Variants in CTNNA2 observed in about 807,000 individuals in gnomAD.
CTNNA2 encodes the protein catenin alpha 2.
In CTNNA2, 42 loss-of-function variants were observed where a neutral mutation model predicts 101.0. That is an observed-to-expected ratio of 0.42 (90% CI 0.32 to 0.54). The LOEUF (loss-of-function observed/expected upper bound fraction) is 0.54, where lower values mean the gene tolerates loss of function less well. Among genes scored for constraint, CTNNA2 ranks in the 20% least tolerant of loss-of-function variants. The pLI is 0.14. For missense variants in CTNNA2, 871 were observed against 1,223.1 expected (o/e 0.71, Z 4.29); for synonymous variants, 450 against 456.4 (o/e 0.99, Z 0.18).
intron 2 of CTNNA2, among the ~76,000 whole-genome samples, chr2:79,210,088 T>TTGTGTG (rs59836500): frequency 0.018 from 2,596 of 144,866 alleles, 67 homozygotes; most frequent in African/African-American, 0.052. Flanking sequence ...TCAAGCTATA[T>TTGTGTG]TGTGTGTGTG....
chr2:80,284,692 G>C (rs572709609), intron 7 of CTNNA2, among the ~76,000 whole-genome samples: 1 of 151,950 alleles, frequency 6.6e-6, no homozygotes, highest in East Asian at 1.9e-4. Context: ...ATTTGAACCT[G>C]TTCCCAGGGA....
intron 1 of CTNNA2, among the ~76,000 whole-genome samples, chr2:79,539,009 A>ATC (rs1673243567): frequency 6.6e-6 from 1 of 152,222 alleles, no homozygotes; most frequent in African/African-American, 2.4e-5. Flanking sequence ...CATCAAAATC[A>ATC]AGATCAATAA....
intron 7 of CTNNA2, among the ~76,000 whole-genome samples, chr2:80,352,568 A>G (rs1160731008): frequency 1.3e-5 from 2 of 152,178 alleles, no homozygotes; most frequent in Admixed American, 6.6e-5. Flanking sequence ...AGCAGTAAGA[A>G]TTCCTCCACT....
At chr2:80,550,523 A>T (rs187649991) in intron 11 of CTNNA2, among the ~76,000 whole-genome samples, 45 of 152,364 alleles carry the variant, frequency 3.0e-4, no homozygotes, top group South Asian at 1.7e-3. Flanking sequence ...AATTGGAGTC[A>T]GTCCTCTCAA....
chr2:80,116,769 G>C (rs1315088750), intron 7 of CTNNA2, among the ~76,000 whole-genome samples: 1 of 152,140 alleles, frequency 6.6e-6, no homozygotes, highest in Non-Finnish European at 1.5e-5. Flanking sequence ...GAGAGGGTGA[G>C]TTTGATCAGC....
intron 7 of CTNNA2, among the ~76,000 whole-genome samples, chr2:79,996,950 G>T (rs898084638): frequency 1.3e-5 from 2 of 152,118 alleles, no homozygotes; most frequent in African/African-American, 4.8e-5. Context: ...AAGCAGAAAA[G>T]GTGGTGTGGA....
intron 3 of CTNNA2, among the ~76,000 whole-genome samples, chr2:79,796,354 C>T (rs1675695231): frequency 6.8e-6 from 1 of 148,058 alleles, no homozygotes; most frequent in Admixed American, 6.7e-5. Context: ...GCGATTGCGC[C>T]GCTGCATTCC....
chr2:80,613,078 G>GAA (rs1180076118), intron 17 of CTNNA2: 28 of 114,154 alleles, frequency 2.5e-4, no homozygotes, highest in African/African-American at 9.8e-4. Context: ...AATGAAATGA[G>GAA]TAGTTACCTT....
chr2:79,203,713 C>T (rs896007962), intron 2 of CTNNA2, among the ~76,000 whole-genome samples: 3 of 152,172 alleles, frequency 2.0e-5, no homozygotes, highest in Admixed American at 2.0e-4. Flanking sequence ...GTCTTCAGGG[C>T]CGCCTTTTCT....
intron 9 of CTNNA2, among the ~76,000 whole-genome samples, chr2:80,460,278 C>T (rs911083340): frequency 6.6e-6 from 1 of 151,212 alleles, no homozygotes; most frequent in Non-Finnish European, 1.5e-5. Flanking sequence ...TCTTGAGTGA[C>T]AGTCATTTAG....
chr2:79,471,725 C>T (rs1671001280), intron 4 of CTNNA2, among the ~76,000 whole-genome samples: 1 of 152,010 alleles, frequency 6.6e-6, no homozygotes, highest in African/African-American at 2.4e-5. Context: ...GTAGTCCCAG[C>T]TATTCGGGAG....
intron 7 of CTNNA2, among the ~76,000 whole-genome samples, chr2:79,961,208 T>C (rs1325650492): frequency 5.9e-5 from 9 of 152,224 alleles, no homozygotes. Flanking sequence ...TGTGCTGTTC[T>C]GTGACAGACT....
Position 79,685,272 on chromosome 2 carries a change from C to T in CTNNA2, c.102+33614C>T, listed in dbSNP as rs1434537862. Reference sequence around the variant, plus strand: ...ACTTACTAATTTATGTATCATTGAACAAATATGAATCGTGCCTGGCTTTAT... The same window carrying T: ...ACTTACTAATTTATGTATCATTGAATAAATATGAATCGTGCCTGGCTTTAT... On this transcript the variant is annotated intron_variant, in intron 2 of 18. Coordinates refer to ENST00000402739, the MANE Select transcript of CTNNA2 (RefSeq NM_001282597.3). Among the ~76,000 whole-genome samples, 4 of 152,238 alleles carry T rather than the reference C, an allele frequency of 2.6e-5. No homozygotes were observed. In the East Asian group the frequency reaches 5.8e-4, roughly 22 times the overall value.
In CTNNA2 at chr2:80,141,127, C is replaced by T. The variant is rs918502920; in HGVS notation, c.1056+231330C>T. On this transcript the variant is annotated intron_variant, in intron 7 of 18. Transcript: ENST00000402739. ...CAGTGTATGTGCTTCTTCTTAGGAC[C>T]GCTCCATAGGCAGGAGCCTGCCTCA... Among the ~76,000 whole-genome samples, 36 of 151,880 alleles carry T rather than the reference C, an allele frequency of 2.4e-4. 1 individual carries two copies. The highest frequency in any genetic ancestry group is 1.3e-4 in the Non-Finnish European group (9 of 67,988).
intron 7 of CTNNA2, among the ~76,000 whole-genome samples, chr2:80,096,209 G>T (rs1052257427): frequency 6.6e-6 from 1 of 152,036 alleles, no homozygotes; most frequent in Non-Finnish European, 1.5e-5. Context: ...TTGTGTCTTT[G>T]TTCTCATTGG....
intron 4 of CTNNA2, among the ~76,000 whole-genome samples, chr2:79,391,652 C>T (rs1427867423): frequency 6.6e-6 from 1 of 152,078 alleles, no homozygotes; most frequent in Non-Finnish European, 1.5e-5. Flanking sequence ...CTATCATTAT[C>T]TTGATTTTAT....
chr2:79,186,543 C>T (rs1204578949), intron 1 of CTNNA2, among the ~76,000 whole-genome samples: 6 of 152,126 alleles, frequency 3.9e-5, no homozygotes, highest in African/African-American at 1.4e-4. Flanking sequence ...ATTATTTTAC[C>T]ATAAAGATAA....
intron 3 of CTNNA2, among the ~76,000 whole-genome samples, chr2:79,777,260 G>A (rs980823788): frequency 6.6e-6 from 1 of 151,608 alleles, no homozygotes; most frequent in Admixed American, 6.6e-5. Context: ...GTCAACAACT[G>A]GATGATTTCT....
chr2:79,797,677 A>AAAAC (rs1177081559), intron 3 of CTNNA2, among the ~76,000 whole-genome samples: 1 of 150,976 alleles, frequency 6.6e-6, no homozygotes, highest in African/African-American at 2.5e-5. Context: ...AAAAAAAAAA[A>AAAAC]AATGATTGGC....
Sources: gnomAD v4.1 joint callset for allele counts (sites outside exome capture counted in the v4.1 genomes callset) on GRCh38, gnomAD v4.1.1 for gene constraint, MANE v1.5 for transcripts, NCBI Gene and HGNC (gene_info 2026-07-23, HGNC 2026-07-21) for gene names.